Variants in CC2D2A observed in about 807,000 individuals in gnomAD.
CC2D2A encodes the protein coiled-coil and C2 domain-containing protein 2A.
In CC2D2A, 155 loss-of-function variants were observed where a neutral mutation model predicts 212.9. That is an observed-to-expected ratio of 0.73 (90% CI 0.64 to 0.83). CC2D2A has a LOEUF of 0.83. Ranked by LOEUF, CC2D2A falls within the 40% of genes least tolerant of loss-of-function variation. The probability of loss-of-function intolerance (pLI) is 0.00; values close to 1 mark genes in which losing one functional copy is unlikely to be tolerated. For missense variants in CC2D2A, 1,856 were observed against 1,956.2 expected, an observed-to-expected ratio of 0.95 and a Z score of 0.97; for synonymous variants, 667 against 686.5, an observed-to-expected ratio of 0.97 and a Z score of 0.44.
intron 15 of CC2D2A, 111 bp downstream of exon 15, chr4:15,537,187 G>C (rs1357845521): frequency 2.3e-6 from 2 of 873,880 alleles, no homozygotes; most frequent in African/African-American, 3.4e-5. Flanking sequence ...GTATCCTGTG[G>C]CTCCCTCTGT....
intron 33 of CC2D2A, 40 bp downstream of exon 33, chr4:15,589,719 G>A (rs762033137): frequency 2.8e-5 from 39 of 1,378,392 alleles, no homozygotes; most frequent in Middle Eastern, 1.9e-4. Flanking sequence ...GTTAGCTGTC[G>A]TTTCTTTTAA....
rs754391657 is a variant in CC2D2A at position 15,533,209 on chromosome 4, C to G, written c.1483C>G (p.Arg495Gly). 6.3e-7 allele frequency: 1 copy of G among 1,578,704 alleles called. No homozygotes were observed. Among genetic ancestry groups the G allele is most frequent in the African/African-American group, 1.4e-5 (1 of 72,604 alleles). Residue 495 changes from arginine (R) to glycine (G), a missense_variant, in exon 14 of 37, where the codon CGT becomes GGT. By Grantham distance (125) the Arg-to-Gly change is moderately radical (BLOSUM62 -2). Transcript: ENST00000424120. ...KSEIRQTRKF[R>G]DAEQEKDRTL... ...ATCTTGCAGACAAACAAGAAAATTC[C>G]GTGATGCTGAACAAGAAAAAGATAG... is the stretch of plus-strand genomic sequence containing the variant.
At chr4:15,557,234 A>G (rs1017277716) in intron 20 of CC2D2A, 70 bp from the exon 21 acceptor site, 1 of 989,096 alleles carries the variant, frequency 1.0e-6, no homozygotes, top group African/African-American at 1.6e-5. Flanking sequence ...GTTCCTTGAC[A>G]CTCAGTGCCA....
At chr4:15,560,798 A>C (rs565093487) in intron 23 of CC2D2A, among the ~76,000 whole-genome samples, 176 bp downstream of exon 23, 1 of 152,196 alleles carries the variant, frequency 6.6e-6, no homozygotes, top group Non-Finnish European at 1.5e-5. Context: ...AGGGATTTCT[A>C]CTAGAACAAG....
At chr4:15,539,989 G>T (rs900468850) in intron 16 of CC2D2A, among the ~76,000 whole-genome samples, 4 of 152,126 alleles carry the variant, frequency 2.6e-5, no homozygotes, top group Non-Finnish European at 5.9e-5. Flanking sequence ...TCTGAAGGTG[G>T]ATAGTGGTGA....
Position 15,542,922 on chromosome 4 carries a change from G to A in CC2D2A, c.2181+1908G>A, listed in dbSNP as rs779783868. The stretch of plus-strand genomic sequence containing the variant: ...CTTCTACAACCTGTAGAGGACGTTC[G>A]TGACAGCTGGGATGTGTTCTTTTGA... On this transcript the variant is annotated intron_variant, in intron 17 of 36. Coordinates refer to ENST00000424120, the MANE Select transcript of CC2D2A (RefSeq NM_001378615.1). Among the ~76,000 whole-genome samples, 5 of 152,186 alleles carry A rather than the reference G, an allele frequency of 3.3e-5. No individual in the cohort carries two copies. The East Asian group carries it at 7.7e-4, about 23-fold the overall frequency.
intron 24 of CC2D2A, among the ~76,000 whole-genome samples, chr4:15,566,914 G>A (rs901081658): frequency 1.3e-5 from 2 of 152,066 alleles, no homozygotes; most frequent in African/African-American, 4.8e-5. Context: ...GGTTGAGGCT[G>A]GAGTGAGCCA....
chr4:15,550,095 C>G (rs1399792321), intron 17 of CC2D2A, among the ~76,000 whole-genome samples: 1 of 152,138 alleles, frequency 6.6e-6, no homozygotes, highest in African/African-American at 2.4e-5. Flanking sequence ...TGAAGTGTGC[C>G]AAGAATACAG....
At position 15,486,447 on chromosome 4, in the gene CC2D2A, A is replaced by G. The variant is rs1426902907; in HGVS notation, c.247+5620A>G. 2.6e-5 allele frequency among the ~76,000 whole-genome samples: 4 copies of G among 152,156 alleles called. 1 individual carries two copies. Among genetic ancestry groups the G allele is most frequent in the East Asian group, 3.9e-4 (2 of 5,184 alleles). On this transcript the variant is annotated intron_variant, in intron 4 of 36. Transcript: ENST00000424120. ...AGCTTTCTAGAAGAAATGTATTGGC[A>G]TATAGTTGCTCATAATAGTCTCTAA...
Position 15,560,631 on chromosome 4 carries a change from A to C in CC2D2A, c.3014+9A>C. The C allele has an allele frequency of 8.8e-7, 1 of 1,131,822 alleles. No individual in the cohort carries two copies. Among genetic ancestry groups the C allele is most frequent in the Non-Finnish European group, 1.3e-6 (1 of 773,850 alleles). The allele number at this position is 1,131,822 out of a possible 1,614,324, so 70.1% of individuals were successfully genotyped here. ...GAAGTTCCCAATATCAGGTAAAAAT[A>C]ATCAAAGCCATTATTATCAATTCTT... On this transcript the variant is annotated intron_variant, in intron 23 of 36. Transcript: ENST00000424120.
intron 3 of CC2D2A, among the ~76,000 whole-genome samples, chr4:15,480,303 G>C (rs2108972683): frequency 6.6e-6 from 1 of 152,204 alleles, no homozygotes; most frequent in Admixed American, 6.5e-5. Flanking sequence ...GGCTATTCTT[G>C]GGGGGTGTCC....
chr4:15,536,255 C>T (rs1279120342), intron 14 of CC2D2A, among the ~76,000 whole-genome samples: 2 of 125,708 alleles, frequency 1.6e-5, no homozygotes, highest in Non-Finnish European at 3.2e-5. Context: ...GGGAATTGAA[C>T]AATGAGAACA....
At chr4:15,493,021 A>G (rs1376894728) in intron 4 of CC2D2A, 24 of 397,516 alleles carry the variant, frequency 6.0e-5, no homozygotes, top group Non-Finnish European at 7.2e-5. Flanking sequence ...ATTTCCCCTT[A>G]CTTCTATGAC....
intron 28 of CC2D2A, among the ~76,000 whole-genome samples, chr4:15,573,451 T>C (rs1399949625): frequency 1.3e-5 from 2 of 152,120 alleles, no homozygotes; most frequent in Non-Finnish European, 2.9e-5. Context: ...CCACCACACC[T>C]GGCTAATTTT....
In CC2D2A at chr4:15,589,591, T is replaced by C. The variant is rs863225176; in HGVS notation, c.4226T>C (p.Ile1409Thr). The part of the protein sequence containing the change: ...VLTWEQGRYL[I>T]WNPCSGHFYG... Reference sequence around the variant, plus strand: ...ACTTGGGAGCAAGGTCGTTATTTAATATGGAATCCCTGCAGTGGACATTTT... The same window carrying C: ...ACTTGGGAGCAAGGTCGTTATTTAACATGGAATCCCTGCAGTGGACATTTT... The change falls in exon 33 of 37, where the codon ATA (isoleucine) becomes ACA (threonine). Residue 1409 changes from isoleucine to threonine, a missense_variant. Ile to Thr is a moderately conservative substitution (Grantham distance 89). Coordinates refer to ENST00000424120, the MANE Select transcript of CC2D2A (RefSeq NM_001378615.1). The C allele has an allele frequency of 1.2e-6, 2 of 1,612,992 alleles. No homozygotes were observed. The highest frequency in any genetic ancestry group is 1.7e-6 in the Non-Finnish European group (2 of 1,179,296).
At chr4:15,498,604 A>C (rs1715747490) in intron 4 of CC2D2A, among the ~76,000 whole-genome samples, 1 of 152,178 alleles carries the variant, frequency 6.6e-6, no homozygotes, top group Non-Finnish European at 1.5e-5. Flanking sequence ...AAATTAGAAG[A>C]AAAATGTTTA....
At chr4:15,480,574 A>C in intron 3 of CC2D2A, 130 bp from the exon 4 acceptor site, 5 of 1,016,868 alleles carry the variant, frequency 4.9e-6, no homozygotes, top group Non-Finnish European at 6.6e-6. Flanking sequence ...GTCAGGTGAC[A>C]GAGACTGTGG....
intron 15 of CC2D2A, among the ~76,000 whole-genome samples, chr4:15,537,318 T>C (rs1186879687): frequency 1.3e-5 from 2 of 152,252 alleles, no homozygotes; most frequent in East Asian, 1.9e-4. Context: ...GAGAATGCTA[T>C]GGTAGCACTC....
intron 24 of CC2D2A, among the ~76,000 whole-genome samples, chr4:15,565,775 ATTTGT>A (rs1260343725): frequency 2.6e-5 from 4 of 151,864 alleles, no homozygotes; most frequent in Non-Finnish European, 4.4e-5. Flanking sequence ...AGCCCAGCTA[ATTTGT>A]TTTATTATTT....
Sources: allele counts gnomAD v4.1 joint callset (sites outside exome capture counted in the v4.1 genomes callset), GRCh38; gene constraint gnomAD v4.1.1; transcripts MANE v1.5; gene names NCBI Gene and HGNC (gene_info 2026-07-23, HGNC 2026-07-21).